The following PCDHA4 variants were observed in gnomAD, a reference collection of about 807,000 sequenced individuals.
PCDHA4 encodes protocadherin alpha 4, also known as protocadherin alpha-4.
In PCDHA4, 49 loss-of-function variants were observed where a neutral mutation model predicts 61.4. That is an observed-to-expected ratio of 0.80 (90% confidence interval 0.63 to 1.01). The LOEUF (loss-of-function observed/expected upper bound fraction) is 1.01. Ranked by LOEUF, PCDHA4 falls within the 50% of genes least tolerant of loss-of-function variation. PCDHA4 has a pLI of 0.00. For missense variants in PCDHA4, 1,254 were observed against 1,235.8 expected (o/e 1.01, Z -0.22); for synonymous variants, 590 against 550.3 (o/e 1.07, Z -1.01).
intron 1 of PCDHA4, among the ~76,000 whole-genome samples, chr5:140,923,387 G>T (rs564592920): frequency 6.6e-6 from 1 of 152,254 alleles, no homozygotes; most frequent in Admixed American, 6.5e-5. Context: ...AATTAGTTGG[G>T]CATGGTGGTG....
chr5:140,814,325 T>A (rs1765488694), intron 1 of PCDHA4: 1 of 152,342 alleles, frequency 6.6e-6, no homozygotes, highest in African/African-American at 2.4e-5. Context: ...CCATATCTTG[T>A]CCCACTGGAA....
intron 1 of PCDHA4, chr5:140,875,959 G>C (rs1448292250): frequency 5.0e-6 from 8 of 1,614,070 alleles, no homozygotes; most frequent in South Asian, 2.2e-5. Context: ...TGCGGATATC[G>C]GCGTAAACTC....
rs528939441 is a variant in PCDHA4 at position 140,858,900 on chromosome 5, G to C, written c.2385+49328G>C. ...CCTCCATGTGTAGAATATGTGTAGCGTACCACAGCTTATACTGCCATAGTA... is the reference window on the plus strand; with the variant it reads ...CCTCCATGTGTAGAATATGTGTAGCCTACCACAGCTTATACTGCCATAGTA... On this transcript the variant is annotated intron_variant, in intron 1 of 3. Transcript: ENST00000530339. 2 of 203,044 alleles carry C rather than the reference G, an allele frequency of 9.9e-6. 1 individual carries two copies. Among genetic ancestry groups the C allele is most frequent in the African/African-American group, 4.8e-5 (2 of 41,680 alleles). 12.6% of individuals were successfully genotyped at this position (203,044 alleles called of 1,614,324 possible). A position where few individuals can be genotyped will look rare whatever the true frequency, so the allele number is the denominator to read the frequency against.
intron 1 of PCDHA4, among the ~76,000 whole-genome samples, chr5:140,886,827 G>GA (rs782016620): frequency 0.032 from 1,958 of 60,672 alleles, 33 homozygotes; most frequent in African/African-American, 0.049. Context: ...ACTTCGTCTT[G>GA]AAAAAAAAAA....
At chr5:140,967,468 C>T (rs155807) in intron 1 of PCDHA4, 541,339 of 1,613,022 alleles carry the variant, frequency 0.34, 92,423 homozygotes, top group East Asian at 0.5. Context: ...ATGGGGGCAT[C>T]CCAGCCCGCT....
intron 1 of PCDHA4, chr5:140,884,510 T>G: frequency 6.2e-7 from 1 of 1,613,982 alleles, no homozygotes; most frequent in Non-Finnish European, 8.5e-7. Flanking sequence ...GGCAGGGAGT[T>G]GGTCGTACTC....
intron 1 of PCDHA4, chr5:140,966,759 C>G: frequency 6.9e-7 from 1 of 1,447,012 alleles, no homozygotes; most frequent in Non-Finnish European, 9.1e-7. Context: ...CCGCCGCGGC[C>G]AGTGGCTATG....
intron 1 of PCDHA4, chr5:140,875,473 A>G (rs782269579): frequency 6.2e-6 from 10 of 1,606,342 alleles, no homozygotes; most frequent in Non-Finnish European, 8.5e-6. Flanking sequence ...ATTTTCTGCA[A>G]TGGTGATTAT....
At chr5:140,910,482 C>T (rs1439012617) in intron 1 of PCDHA4, among the ~76,000 whole-genome samples, 3 of 152,178 alleles carry the variant, frequency 2.0e-5, no homozygotes, top group African/African-American at 7.2e-5. Flanking sequence ...ATCTGGCATA[C>T]AGAGAAGAGC....
chr5:140,916,165 G>A (rs567070534), intron 1 of PCDHA4, among the ~76,000 whole-genome samples: 1 of 152,224 alleles, frequency 6.6e-6, no homozygotes, highest in East Asian at 1.9e-4. Context: ...AATGCTGCCA[G>A]GCCTGGGACT....
intron 1 of PCDHA4, chr5:140,854,178 A>AAAAATT: frequency 1.9e-6 from 1 of 531,180 alleles, no homozygotes; most frequent in Non-Finnish European, 2.4e-6. Flanking sequence ...AAAAAAAAAG[A>AAAAATT]GTAGTTTAAC....
intron 1 of PCDHA4, among the ~76,000 whole-genome samples, chr5:140,923,098 A>C (rs1003952878): frequency 5.9e-5 from 9 of 152,184 alleles, no homozygotes; most frequent in Non-Finnish European, 1.0e-4. Context: ...GACCAATGGG[A>C]GTATGATTTT....
chr5:140,842,564 C>A (rs781893579), intron 1 of PCDHA4: 1 of 1,500,320 alleles, frequency 6.7e-7, no homozygotes, highest in South Asian at 1.2e-5. Flanking sequence ...CGCCCTGGAC[C>A]GCGAGAGAGT....
At chr5:140,924,903 AAAT>A (rs782701584) in intron 1 of PCDHA4, among the ~76,000 whole-genome samples, 3,132 of 54,516 alleles carry the variant, frequency 0.057, 46 homozygotes, top group African/African-American at 0.096. Context: ...TCAAAAAAAA[AAAT>A]AAAATAAAAT....
At chr5:140,876,724 G>T (rs140611870) in intron 1 of PCDHA4, 2 of 1,614,246 alleles carry the variant, frequency 1.2e-6, no homozygotes, top group Non-Finnish European at 1.7e-6. Context: ...CCGCGAGAGC[G>T]TGTCGGCCTA....
intron 1 of PCDHA4, among the ~76,000 whole-genome samples, chr5:140,935,464 G>A (rs2090388076): frequency 6.6e-6 from 1 of 152,146 alleles, no homozygotes; most frequent in Admixed American, 6.5e-5. Context: ...AGCAGTTTAA[G>A]TTTTTGTCAT....
chr5:140,945,998 A>G (rs246057), intron 1 of PCDHA4, among the ~76,000 whole-genome samples: 85,388 of 151,608 alleles, frequency 0.56, 24,621 homozygotes, highest in African/African-American at 0.69. Context: ...GATTGCATCA[A>G]ACTAAAAAGC....
rs1768129627 is a variant in PCDHA4, at chr5:140,824,465, T to C, written c.2385+14893T>C. 3 of 423,268 alleles carry C rather than the reference T, an allele frequency of 7.1e-6. No homozygotes were observed. In the South Asian group the frequency reaches 1.0e-4, roughly 14 times the overall value. The allele number at this position is 423,268 out of a possible 1,614,324, so 26.2% of individuals were successfully genotyped here. A position where few individuals can be genotyped will look rare whatever the true frequency, so the allele number is the denominator to read the frequency against. ...TATGACTACATGAAAATTTATTTTA[T>C]TTTATTGTTATTTTTTAGAGACCCT... On this transcript the variant is annotated intron_variant, in intron 1 of 3. Transcript: ENST00000530339.
chr5:140,836,660 C>T (rs2150267117), intron 1 of PCDHA4: 1 of 1,613,436 alleles, frequency 6.2e-7, no homozygotes, highest in Non-Finnish European at 8.5e-7. Flanking sequence ...AGAGGGTGTG[C>T]TCTGGGGAGG....
Sources: allele counts gnomAD v4.1 joint callset (sites outside exome capture counted in the v4.1 genomes callset), GRCh38; gene constraint gnomAD v4.1.1; transcripts MANE v1.5; gene names NCBI Gene and HGNC (gene_info 2026-07-23, HGNC 2026-07-21).